DCHS2: variants seen among roughly 807,000 people sequenced by gnomAD.
DCHS2 encodes the protein protocadherin-23.
A neutral mutation model predicts 182.4 loss-of-function variants in DCHS2; 142 were observed. That is an observed-to-expected ratio of 0.78 (90% CI 0.68 to 0.89). The LOEUF is 0.89. DCHS2 is among the 40% of genes least tolerant of loss of function. The pLI, the probability that DCHS2 is intolerant of heterozygous loss-of-function variation, is 0.00. For missense variants in DCHS2, 4,319 were observed against 4,198.6 expected, an observed-to-expected ratio of 1.03 and a Z score of -0.79; for synonymous variants, 1,740 against 1,663.3, an observed-to-expected ratio of 1.05 and a Z score of -1.12.
At chr4:154,323,436 C>T in intron 7 of DCHS2, 1 of 1,457,486 alleles carries the variant, frequency 6.9e-7, no homozygotes, top group Non-Finnish European at 9.1e-7. Flanking sequence ...CGCAAGCTAT[C>T]CTCACACCTT....
At chr4:154,435,571 G>T (rs1365453102) in intron 1 of DCHS2, among the ~76,000 whole-genome samples, 1 of 150,546 alleles carries the variant, frequency 6.6e-6, no homozygotes, top group East Asian at 2.0e-4. Flanking sequence ...ACTCCAGCCT[G>T]GGCAACAGAG....
intron 3 of DCHS2, among the ~76,000 whole-genome samples, chr4:154,358,497 C>T (rs992375643): frequency 2.0e-5 from 3 of 152,074 alleles, no homozygotes; most frequent in African/African-American, 7.2e-5. Context: ...ACTTGAAATA[C>T]AAAAATATCT....
At chr4:154,295,807 A>G (rs1373202374) in intron 13 of DCHS2, among the ~76,000 whole-genome samples, 1 of 152,190 alleles carries the variant, frequency 6.6e-6, no homozygotes, top group African/African-American at 2.4e-5. Context: ...CAACTACATT[A>G]ACTGGTGTCA....
intron 3 of DCHS2, among the ~76,000 whole-genome samples, chr4:154,360,534 A>G (rs1268272109): frequency 6.6e-6 from 1 of 152,144 alleles, no homozygotes; most frequent in African/African-American, 2.4e-5. Context: ...TGGCAGGAAC[A>G]GGCTCACATC....
chr4:154,365,572 G>T (rs1340305898), intron 3 of DCHS2, among the ~76,000 whole-genome samples: 1 of 151,664 alleles, frequency 6.6e-6, no homozygotes, highest in Non-Finnish European at 1.5e-5. Flanking sequence ...TCAAACTCCT[G>T]GCCTCGAGCC....
At position 154,489,331 on chromosome 4, in the gene DCHS2, A is replaced by G; in HGVS notation, c.2025T>C (p.His675=). The G allele has an allele frequency of 6.5e-7, 1 of 1,535,006 alleles. No individual in the cohort carries two copies. The highest frequency in any genetic ancestry group is 2.5e-5 in the East Asian group (1 of 40,532). The part of the protein sequence containing the change: ...RQVYNATIAE[H]APVGHCFLQV... The stretch of plus-strand genomic sequence containing the variant: ...GCAGAAAGCAGTGTCCAACCGGGGC[A>G]TGCTCTGCAATGGTGGCATTGTACA... The change falls in exon 1 of 20, where the codon CAT becomes CAC. Residue 675 remains histidine, a synonymous_variant. Coordinates refer to ENST00000357232, the MANE Select transcript of DCHS2 (RefSeq NM_001358235.2).
chr4:154,235,100 G>A lies in DCHS2; in HGVS notation c.9552C>T (p.Pro3184=), dbSNP rs761334454. ...TTGCCTCTCTCTTCTGAACTGTCTG[G>A]GGTAACACATTATTTTGAGCACAGG... ...STTCAQNNVL[P]QTVQKREAKE... Residue 3184 remains proline, a synonymous_variant, in exon 20 of 20, where the codon CCC becomes CCT. Coordinates refer to ENST00000357232, the MANE Select transcript of DCHS2 (RefSeq NM_001358235.2). The A allele has an allele frequency of 1.7e-5, 28 of 1,613,776 alleles. No individual in the cohort carries two copies. Among genetic ancestry groups the A allele is most frequent in the Non-Finnish European group, 2.4e-5 (28 of 1,179,940 alleles).
chr4:154,418,043 G>A (rs902455), intron 1 of DCHS2, among the ~76,000 whole-genome samples: 122,456 of 152,144 alleles, frequency 0.8, 52,685 homozygotes, highest in Non-Finnish European at 0.95. Flanking sequence ...TAGTTTGGAA[G>A]GTTGCCTTTT....
intron 1 of DCHS2, among the ~76,000 whole-genome samples, chr4:154,386,226 G>T (rs1049161211): frequency 6.6e-6 from 1 of 152,030 alleles, no homozygotes; most frequent in Non-Finnish European, 1.5e-5. Context: ...TCTTTAATCT[G>T]ACCCCTGGCT....
intron 9 of DCHS2, 32 bp downstream of exon 9, chr4:154,320,347 T>C (rs1450346660): frequency 1.3e-6 from 2 of 1,572,168 alleles, no homozygotes; most frequent in Non-Finnish European, 1.7e-6. Context: ...TAAAATAAAA[T>C]ATTTTTAAAA....
chr4:154,433,486 C>G (rs372967139), intron 1 of DCHS2, among the ~76,000 whole-genome samples: 135 of 142,924 alleles, frequency 9.4e-4, no homozygotes, highest in African/African-American at 3.4e-3. Context: ...CCTCTGCTTC[C>G]CGTGTTCAAG....
At chr4:154,445,996 A>G (rs1299149943) in intron 1 of DCHS2, among the ~76,000 whole-genome samples, 1 of 152,184 alleles carries the variant, frequency 6.6e-6, no homozygotes, top group Non-Finnish European at 1.5e-5. Flanking sequence ...TCATTACTGA[A>G]TTTATAGAAG....
chr4:154,394,069 A>T (rs1396342862), intron 1 of DCHS2, among the ~76,000 whole-genome samples: 1 of 152,158 alleles, frequency 6.6e-6, no homozygotes, highest in East Asian at 1.9e-4. Context: ...CTCTCAAATC[A>T]GTAATCACAG....
chr4:154,292,138 T>C (rs1734697185), intron 13 of DCHS2, among the ~76,000 whole-genome samples: 1 of 152,196 alleles, frequency 6.6e-6, no homozygotes, highest in Non-Finnish European at 1.5e-5. Flanking sequence ...AAACAAATTT[T>C]CTATAATAAA....
intron 4 of DCHS2, chr4:154,334,519 A>G (rs1728684861): frequency 4.7e-6 from 1 of 210,690 alleles, no homozygotes; most frequent in Admixed American, 5.3e-5. Flanking sequence ...AAGAAGCTCT[A>G]TAACAACAAA....
chr4:154,237,077 T>TCCAC lies in DCHS2; in HGVS notation c.7571_7574dup (p.Asn2526TrpfsTer4). 6.2e-7 allele frequency: 1 copy of TCCAC among 1,613,916 alleles called. No individual in the cohort carries two copies. Among genetic ancestry groups the TCCAC allele is most frequent in the Non-Finnish European group, 8.5e-7 (1 of 1,179,910 alleles). On this transcript the variant is annotated frameshift_variant, in exon 20 of 20. Transcript: ENST00000357232. LOFTEE classifies it low-confidence loss of function (END_TRUNC). ...AAGTAAGAGCTCTCAGGTCAGGATTTCCACCATCACTGGCTTCCACAAGAA... is the reference window on the plus strand; with the variant it reads ...AAGTAAGAGCTCTCAGGTCAGGATTTCCACCCACCATCACTGGCTTCCACAAGAA...
rs747093791 is a variant in DCHS2 at position 154,298,083 on chromosome 4, A to G, written c.6231T>C (p.Phe2077=). The G allele has an allele frequency of 1.2e-6, 2 of 1,614,192 alleles. No homozygotes were observed. Among genetic ancestry groups the G allele is most frequent in the East Asian group, 2.2e-5 (1 of 44,862 alleles). Residue 2077 remains phenylalanine (F), a synonymous_variant, in exon 13 of 20, where the codon TTT becomes TTC. Coordinates refer to ENST00000357232, the MANE Select transcript of DCHS2 (RefSeq NM_001358235.2). ...TAGAAAACATTGACTGGGTCTCTGC[A>G]AAACTAAAAACCACAGTTCCATTGG... ...LGPNGTVVFS[F]AETQSMFSID... is the part of the protein sequence containing the mutation.
chr4:154,242,901 T>A (rs1225317377), intron 16 of DCHS2, 129 bp from the exon 17 acceptor site: 2 of 1,313,824 alleles, frequency 1.5e-6, no homozygotes, highest in East Asian at 5.5e-5. Context: ...CTCTTGGATT[T>A]TCTAAATGGC....
chr4:154,353,815 C>T (rs77162727), intron 3 of DCHS2, among the ~76,000 whole-genome samples: 6,747 of 152,148 alleles, frequency 0.044, 193 homozygotes, highest in Non-Finnish European at 0.069. Context: ...ATTTCCTGGG[C>T]GATTAGCCAG....
Sources: gnomAD v4.1 joint callset for allele counts (sites outside exome capture counted in the v4.1 genomes callset) on GRCh38, gnomAD v4.1.1 for gene constraint, MANE v1.5 for transcripts, NCBI Gene and HGNC (gene_info 2026-07-23, HGNC 2026-07-21) for gene names.